The following MSH3 variants were observed in gnomAD, a reference collection of about 807,000 sequenced individuals.
MSH3 encodes the protein DNA mismatch repair protein Msh3.
Under a neutral mutation model 123.3 loss-of-function variants are expected in MSH3, and 106 were observed. The observed-to-expected ratio is 0.86, with a 90% confidence interval of 0.73 to 1.01. The LOEUF (loss-of-function observed/expected upper bound fraction) is 1.01, where lower values mean the gene tolerates loss of function less well. MSH3 is among the 50% of genes least tolerant of loss of function. The pLI is 0.00. For missense variants in MSH3, 1,459 were observed against 1,347.6 expected (o/e 1.08, Z -1.29); for synonymous variants, 515 against 481.4 (o/e 1.07, Z -0.91).
At chr5:80,713,433 G>T (rs1750895597) in intron 8 of MSH3, among the ~76,000 whole-genome samples, 1 of 151,994 alleles carries the variant, frequency 6.6e-6, no homozygotes, top group East Asian at 1.9e-4. Context: ...CCTGTGTAAT[G>T]ACTGAGAGAC....
intron 8 of MSH3, among the ~76,000 whole-genome samples, chr5:80,719,228 A>C (rs1042683506): frequency 6.6e-6 from 1 of 151,920 alleles, no homozygotes; most frequent in Non-Finnish European, 1.5e-5. Flanking sequence ...TTATATTTTT[A>C]GTAGAGATGG....
intron 22 of MSH3, among the ~76,000 whole-genome samples, chr5:80,868,772 T>TAA (rs1312940564): frequency 1.4e-5 from 2 of 143,188 alleles, no homozygotes; most frequent in East Asian, 4.1e-4. Flanking sequence ...CTTAAAAGTT[T>TAA]AAAAAAAAAA....
rs541546309 is a variant in MSH3, at chr5:80,776,768, G to A, written c.2318+1010G>A. ...TGAAAATGGTACATTTGCCTCAGAT[G>A]GTAGAAGAGGGACCGTAGCTGGTAA... On this transcript the variant is annotated intron_variant, in intron 16 of 23. Coordinates refer to ENST00000265081, the MANE Select transcript of MSH3 (RefSeq NM_002439.5). 8.6e-5 allele frequency among the ~76,000 whole-genome samples: 13 copies of A among 151,288 alleles called. No individual in the cohort carries two copies. In the East Asian group the frequency reaches 2.5e-3, roughly 29 times the overall value.
At chr5:80,838,399 T>G (rs1561494668) in intron 20 of MSH3, among the ~76,000 whole-genome samples, 1 of 152,106 alleles carries the variant, frequency 6.6e-6, no homozygotes, top group East Asian at 1.9e-4. Context: ...CATTTGTACA[T>G]AGGGATAAAG....
chr5:80,716,711 CACA>C (rs1185043748), intron 8 of MSH3, among the ~76,000 whole-genome samples: 4 of 152,172 alleles, frequency 2.6e-5, no homozygotes, highest in South Asian at 4.1e-4. Flanking sequence ...TCACCTCAGA[CACA>C]ACATTTCTTT....
intron 8 of MSH3, among the ~76,000 whole-genome samples, chr5:80,685,721 A>G (rs1022514760): frequency 1.3e-5 from 2 of 151,552 alleles, no homozygotes; most frequent in Admixed American, 1.3e-4. Context: ...TTGCTTTTCT[A>G]GTTCTTCAAG....
rs772697479 is a variant in MSH3, at chr5:80,672,235, A to T, written c.793-9A>T. 4 of 1,591,072 alleles carry T rather than the reference A, an allele frequency of 2.5e-6. No homozygotes were observed. The South Asian group carries it at 4.4e-5, about 18-fold the overall frequency. ...AAATTTATTGATATTTTCTTTTTTC[A>T]TTTTTTAGATTGCAGCCCGAGAGCT... On this transcript the variant is annotated splice_polypyrimidine_tract_variant and intron_variant, in intron 4 of 23. Transcript: ENST00000265081.
intron 12 of MSH3, among the ~76,000 whole-genome samples, chr5:80,747,918 C>T (rs904981382): frequency 3.3e-5 from 5 of 152,102 alleles, no homozygotes; most frequent in African/African-American, 4.8e-5. Context: ...AATTGTCTAA[C>T]GATGCATTTT....
At chr5:80,778,982 T>A in intron 17 of MSH3, 146 bp downstream of exon 17, 4 of 400,298 alleles carry the variant, frequency 1.0e-5, no homozygotes, top group African/African-American at 2.1e-5. Context: ...TTTTATTTCT[T>A]TTTTTTTTTT....
intron 22 of MSH3, among the ~76,000 whole-genome samples, chr5:80,868,715 G>A (rs146534999): frequency 2.0e-5 from 3 of 149,812 alleles, no homozygotes; most frequent in East Asian, 3.9e-4. Context: ...GCAAACCTCC[G>A]TGACACAAGT....
At chr5:80,775,038 A>G (rs1282956759) in intron 15 of MSH3, among the ~76,000 whole-genome samples, 2 of 152,222 alleles carry the variant, frequency 1.3e-5, no homozygotes, top group East Asian at 1.9e-4. Flanking sequence ...TACGCATTGT[A>G]TGTCTGTATC....
intron 12 of MSH3, among the ~76,000 whole-genome samples, chr5:80,760,800 A>G (rs900236788): frequency 1.1e-4 from 17 of 152,190 alleles, no homozygotes; most frequent in Admixed American, 3.9e-4. Flanking sequence ...CTAGCTGGCA[A>G]AGGGGATTAG....
intron 19 of MSH3, among the ~76,000 whole-genome samples, chr5:80,806,630 A>G (rs1561484456): frequency 6.6e-6 from 1 of 152,180 alleles, no homozygotes. Flanking sequence ...CTATAGCATT[A>G]TAATAACTTT....
intron 6 of MSH3, among the ~76,000 whole-genome samples, chr5:80,673,175 G>A (rs964261262): frequency 6.6e-6 from 1 of 152,238 alleles, no homozygotes; most frequent in African/African-American, 2.4e-5. Flanking sequence ...TTTGTGGGAA[G>A]TAGTTAGGTG....
intron 20 of MSH3, among the ~76,000 whole-genome samples, chr5:80,814,949 T>C (rs978842220): frequency 1.3e-5 from 2 of 152,256 alleles, no homozygotes; most frequent in Non-Finnish European, 2.9e-5. Context: ...TCTTAAAGCA[T>C]CGTGTATATT....
At chr5:80,708,744 A>T in intron 8 of MSH3, among the ~76,000 whole-genome samples, 1 of 151,722 alleles carries the variant, frequency 6.6e-6, no homozygotes, top group African/African-American at 2.4e-5. Flanking sequence ...TTGACTTTCT[A>T]GGATGTCATT....
chr5:80,771,459 C>T (rs1203188757), intron 15 of MSH3, among the ~76,000 whole-genome samples: 1 of 144,508 alleles, frequency 6.9e-6, no homozygotes, highest in Non-Finnish European at 1.5e-5. Context: ...GCCTGGGCAA[C>T]AGAGAGAAAC....
At chr5:80,762,790 T>TTATGTTATGTTATG (rs1744061014) in intron 13 of MSH3, among the ~76,000 whole-genome samples, 5 of 132,918 alleles carry the variant, frequency 3.8e-5, no homozygotes, top group African/African-American at 1.3e-4. Context: ...TTTATTTTAT[T>TTATGTTATGTTATG]TTATGTTATG....
chr5:80,872,491 A>G (rs575594034), intron 22 of MSH3, among the ~76,000 whole-genome samples: 3 of 151,798 alleles, frequency 2.0e-5, no homozygotes, highest in African/African-American at 7.3e-5. Context: ...AGGAGAAATT[A>G]TATTGTATCA....
Sources: gnomAD v4.1 joint callset for allele counts (sites outside exome capture counted in the v4.1 genomes callset) on GRCh38, gnomAD v4.1.1 for gene constraint, MANE v1.5 for transcripts, NCBI Gene and HGNC (gene_info 2026-07-23, HGNC 2026-07-21) for gene names.